Variants in GOSR1 observed in about 807,000 individuals in gnomAD.
The protein encoded by GOSR1 is golgi SNAP receptor complex member 1.
GOSR1 carries 21 observed loss-of-function variants against 35.5 expected under a neutral mutation model. The observed-to-expected ratio is 0.59, with a 90% CI of 0.42 to 0.85. The LOEUF (loss-of-function observed/expected upper bound fraction) is 0.85. Among genes scored for constraint, GOSR1 ranks in the 40% least tolerant of loss-of-function variants. The pLI is 0.00. For missense variants in GOSR1, 285 were observed against 309.6 expected, an observed-to-expected ratio of 0.92 and a Z score of 0.60; for synonymous variants, 94 against 106.6, an observed-to-expected ratio of 0.88 and a Z score of 0.73.
intron 6 of GOSR1, 161 bp from the exon 7 acceptor site, chr17:30,510,713 TAAAAAA>T (rs1171869718): frequency 4.0e-6 from 2 of 495,332 alleles, no homozygotes; most frequent in African/African-American, 4.0e-5. Flanking sequence ...GACTCTGTCT[TAAAAAA>T]GAAAAAAATT....
At chr17:30,507,313 T>C (rs1967435882) in intron 6 of GOSR1, among the ~76,000 whole-genome samples, 1 of 152,126 alleles carries the variant, frequency 6.6e-6, no homozygotes, top group South Asian at 2.1e-4. Context: ...TTAACAGGAA[T>C]TTGGAAGAAA....
intron 5 of GOSR1, among the ~76,000 whole-genome samples, chr17:30,491,630 G>A (rs963078966): frequency 6.6e-6 from 1 of 152,048 alleles, no homozygotes. Context: ...CTGCACTCTA[G>A]CCTGGGTGAC....
In GOSR1 at chr17:30,526,486, A is replaced by G. The variant is rs1968184434; in HGVS notation, c.*4108A>G. The G allele has an allele frequency of 6.6e-6, 1 of 152,390 alleles. No homozygotes were observed. The highest frequency in any genetic ancestry group is 2.1e-4 in the South Asian group (1 of 4,832). The allele number at this position is 152,390 out of a possible 1,614,324, so 9.4% of individuals were successfully genotyped here. A position where few individuals can be genotyped will look rare whatever the true frequency, so the allele number is the denominator to read the frequency against. On this transcript the variant is annotated 3_prime_UTR_variant, in exon 9 of 9. Transcript: ENST00000451249. ...TGTAGCAAGACTCTGTCTCTGCAAAAAAAATTAAAAGATACCTGAGAGCTC... is the reference window on the plus strand; with the variant it reads ...TGTAGCAAGACTCTGTCTCTGCAAAGAAAATTAAAAGATACCTGAGAGCTC...
At chr17:30,492,868 A>G in intron 6 of GOSR1, 115 bp downstream of exon 6, 1 of 651,684 alleles carries the variant, frequency 1.5e-6, no homozygotes, top group Non-Finnish European at 2.8e-6. Flanking sequence ...ATGCTAATTC[A>G]TTTTATTCTC....
rs187389251 is a variant in GOSR1 at position 30,486,772 on chromosome 17, A to T, written c.342+2002A>T. ...ACTATAAAGCATTTATATATGAATT[A>T]AATAAGAAATGTGTAGGACTTGTAT... is the stretch of plus-strand genomic sequence containing the variant. On this transcript the variant is annotated intron_variant, in intron 4 of 8. Coordinates refer to ENST00000451249, the MANE Select transcript of GOSR1 (RefSeq NM_001007025.2). 4.9e-4 allele frequency among the ~76,000 whole-genome samples: 75 copies of T among 152,342 alleles called. 1 individual carries two copies. Among genetic ancestry groups the T allele is most frequent in the African/African-American group, 1.6e-3 (67 of 41,584 alleles).
intron 5 of GOSR1, 24 bp downstream of exon 5, chr17:30,490,241 T>C: frequency 9.0e-7 from 1 of 1,113,746 alleles, no homozygotes; most frequent in African/African-American, 1.5e-5. Context: ...TATATTATTT[T>C]GTAGAATATT....
At chr17:30,489,863 G>A (rs986562890) in intron 4 of GOSR1, among the ~76,000 whole-genome samples, 6 of 152,024 alleles carry the variant, frequency 3.9e-5, no homozygotes, top group Non-Finnish European at 8.8e-5. Context: ...TCTTAATTCT[G>A]CCTCGTAAGA....
intron 6 of GOSR1, among the ~76,000 whole-genome samples, chr17:30,505,390 C>T (rs1401242215): frequency 6.6e-6 from 1 of 151,910 alleles, no homozygotes; most frequent in Non-Finnish European, 1.5e-5. Flanking sequence ...ACAGTGAGAC[C>T]CCAGCTCTAC....
chr17:30,511,827 A>C (rs1967624655), intron 7 of GOSR1, among the ~76,000 whole-genome samples: 1 of 152,172 alleles, frequency 6.6e-6, no homozygotes, highest in Admixed American at 6.5e-5. Flanking sequence ...CACTGCGCCC[A>C]GCCACATTTG....
chr17:30,494,666 G>C (rs538427982), intron 6 of GOSR1, among the ~76,000 whole-genome samples: 3 of 151,778 alleles, frequency 2.0e-5, no homozygotes, highest in Admixed American at 6.6e-5. Flanking sequence ...GGAGTGTCGC[G>C]GTGTGATCTC....
chr17:30,497,222 ACT>A (rs1247227228), intron 6 of GOSR1, among the ~76,000 whole-genome samples: 1 of 152,070 alleles, frequency 6.6e-6, no homozygotes, highest in Non-Finnish European at 1.5e-5. Context: ...ACATAGCAAG[ACT>A]CTGTCTCTGA....
intron 2 of GOSR1, among the ~76,000 whole-genome samples, chr17:30,482,578 A>G (rs1275152351): frequency 6.6e-6 from 1 of 152,198 alleles, no homozygotes; most frequent in Admixed American, 6.5e-5. Context: ...AAACAATGAA[A>G]TCTGAGCTTA....
At chr17:30,520,076 C>T (rs1307596566) in intron 8 of GOSR1, 55 bp downstream of exon 8, 1 of 1,110,868 alleles carries the variant, frequency 9.0e-7, no homozygotes, top group Non-Finnish European at 1.4e-6. Flanking sequence ...GGAGAAGTGT[C>T]TGTGTGTGCT....
intron 6 of GOSR1, among the ~76,000 whole-genome samples, chr17:30,499,473 C>T (rs1967122601): frequency 6.6e-6 from 1 of 151,916 alleles, no homozygotes; most frequent in Non-Finnish European, 1.5e-5. Flanking sequence ...TCCCAAGTAG[C>T]TGGAACTACA....
At position 30,522,436 on chromosome 17, in the gene GOSR1, G is replaced by A; in HGVS notation, c.*58G>A. On this transcript the variant is annotated 3_prime_UTR_variant, in exon 9 of 9. Coordinates refer to ENST00000451249, the MANE Select transcript of GOSR1 (RefSeq NM_001007025.2). ...GCTTTCACACCCTGGTCTGGAATAA[G>A]GAAACATCGGAGGGAGAAGTTGACT... The A allele has an allele frequency of 7.1e-7, 1 of 1,405,800 alleles. No individual in the cohort carries two copies. Among genetic ancestry groups the A allele is most frequent in the South Asian group, 1.6e-5 (1 of 64,268 alleles). 87.1% of individuals were successfully genotyped at this position (1,405,800 alleles called of 1,614,324 possible).
chr17:30,522,118 T>A, intron 8 of GOSR1, 136 bp from the exon 9 acceptor site: 1 of 689,046 alleles, frequency 1.5e-6, no homozygotes, highest in South Asian at 2.3e-5. Context: ...CTGCTAAAGA[T>A]TCCCTTGGTG....
intron 5 of GOSR1, among the ~76,000 whole-genome samples, chr17:30,491,737 A>C (rs953949708): frequency 6.6e-6 from 1 of 152,118 alleles, no homozygotes; most frequent in African/African-American, 2.4e-5. Context: ...TATATGTAGT[A>C]GTTTACACAG....
chr17:30,515,310 T>G (rs898804194), intron 7 of GOSR1, among the ~76,000 whole-genome samples: 1 of 151,012 alleles, frequency 6.6e-6, no homozygotes, highest in Non-Finnish European at 1.5e-5. Context: ...TTTTTTTTTT[T>G]TTGTATTTTT....
At chr17:30,484,990 G>A in intron 4 of GOSR1, 2 of 554,356 alleles carry the variant, frequency 3.6e-6, no homozygotes, top group South Asian at 1.8e-5. Context: ...TGGCGAAGTT[G>A]AGTAATATTC....
Sources: allele counts gnomAD v4.1 joint callset (sites outside exome capture counted in the v4.1 genomes callset), GRCh38; gene constraint gnomAD v4.1.1; transcripts MANE v1.5; gene names NCBI Gene and HGNC (gene_info 2026-07-23, HGNC 2026-07-21).